Variants in ATG5 observed in about 807,000 individuals in gnomAD.
The protein encoded by ATG5 is autophagy related 5.
Under a neutral mutation model 36.5 loss-of-function variants are expected in ATG5, and 14 were observed. The observed-to-expected ratio is 0.38, with a 90% CI of 0.25 to 0.60. The LOEUF (loss-of-function observed/expected upper bound fraction) is 0.60. Ranked by LOEUF, ATG5 falls within the 20% of genes least tolerant of loss-of-function variation. The pLI is 0.60. For synonymous variants in ATG5, 95 were observed against 101.5 expected, an observed-to-expected ratio of 0.94 and a Z score of 0.38; for missense variants, 195 against 326.7, an observed-to-expected ratio of 0.60 and a Z score of 3.11.
chr6:106,308,615 C>T (rs1770536621), intron 2 of ATG5, 124 bp from the exon 3 acceptor site: 6 of 707,712 alleles, frequency 8.5e-6, no homozygotes, highest in Non-Finnish European at 8.6e-6. Flanking sequence ...ATATCCCACA[C>T]AAAGTCTACT....
chr6:106,197,830 T>C (rs1265593078), intron 7 of ATG5, among the ~76,000 whole-genome samples: 1 of 152,150 alleles, frequency 6.6e-6, no homozygotes, highest in African/African-American at 2.4e-5. Flanking sequence ...TGTTTCTTTA[T>C]AGCAACACAA....
intron 6 of ATG5, among the ~76,000 whole-genome samples, chr6:106,224,934 A>G (rs915283823): frequency 6.6e-6 from 1 of 152,230 alleles, no homozygotes; most frequent in Non-Finnish European, 1.5e-5. Flanking sequence ...TCAATTAAAA[A>G]AGTGAGCTAT....
At chr6:106,268,452 T>C (rs1018124370) in intron 5 of ATG5, among the ~76,000 whole-genome samples, 9 of 152,324 alleles carry the variant, frequency 5.9e-5, no homozygotes, top group African/African-American at 1.7e-4. Context: ...AGTTCAACCA[T>C]TGTGGAACAG....
intron 6 of ATG5, among the ~76,000 whole-genome samples, chr6:106,242,455 T>C (rs1225122689): frequency 1.3e-5 from 2 of 152,178 alleles, no homozygotes; most frequent in Non-Finnish European, 2.9e-5. Context: ...TTAATGGGTA[T>C]AGAGTTTGTT....
chr6:106,227,646 C>A (rs1220187405), intron 6 of ATG5, among the ~76,000 whole-genome samples: 2 of 152,162 alleles, frequency 1.3e-5, no homozygotes, highest in African/African-American at 4.8e-5. Flanking sequence ...AAGAAATGAT[C>A]AGTACCTTGA....
chr6:106,227,268 C>T (rs951184203), intron 6 of ATG5, among the ~76,000 whole-genome samples: 26 of 152,092 alleles, frequency 1.7e-4, no homozygotes, highest in African/African-American at 5.8e-4. Context: ...TGTCAATAGG[C>T]AATCAGATGA....
chr6:106,291,281 A>G (rs571701623), intron 4 of ATG5, among the ~76,000 whole-genome samples: 87 of 152,326 alleles, frequency 5.7e-4, no homozygotes, highest in Admixed American at 1.6e-3. Context: ...CTACATCCAG[A>G]AAAGTCTTAA....
At chr6:106,296,215 TA>T (rs921563563) in intron 3 of ATG5, among the ~76,000 whole-genome samples, 80 of 145,524 alleles carry the variant, frequency 5.5e-4, no homozygotes, top group African/African-American at 4.5e-4. Context: ...AAACTCACTT[TA>T]AAAAAAAAAA....
chr6:106,246,761 C>A (rs1778357842), intron 6 of ATG5, among the ~76,000 whole-genome samples: 1 of 152,146 alleles, frequency 6.6e-6, no homozygotes, highest in Non-Finnish European at 1.5e-5. Flanking sequence ...ATATTTTCTT[C>A]AACTAAATTA....
chr6:106,230,905 T>C (rs1260744985), intron 6 of ATG5, among the ~76,000 whole-genome samples: 1 of 152,062 alleles, frequency 6.6e-6, no homozygotes, highest in African/African-American at 2.4e-5. Context: ...ACGTACAAAC[T>C]TTCTTTTCAT....
At chr6:106,186,991 T>C (rs1775798141) in intron 7 of ATG5, among the ~76,000 whole-genome samples, 1 of 152,326 alleles carries the variant, frequency 6.6e-6, no homozygotes, top group Admixed American at 6.5e-5. Flanking sequence ...ATTGTACCAA[T>C]GACCAAAATT....
intron 6 of ATG5, among the ~76,000 whole-genome samples, chr6:106,203,724 G>T (rs1376569729): frequency 2.0e-5 from 3 of 152,300 alleles, no homozygotes; most frequent in Admixed American, 2.0e-4. Context: ...GGGACTACAG[G>T]TGTGAGCCAC....
chr6:106,324,401 G>C (rs567502295), intron 1 of ATG5, among the ~76,000 whole-genome samples: 1 of 152,228 alleles, frequency 6.6e-6, no homozygotes, highest in East Asian at 1.9e-4. Context: ...TGAGGACTTT[G>C]GTATCCAAGG....
chr6:106,248,049 C>T (rs1282487298), intron 6 of ATG5, 101 bp downstream of exon 6: 9 of 850,010 alleles, frequency 1.1e-5, no homozygotes, highest in African/African-American at 6.9e-5. Flanking sequence ...TAATAAATAC[C>T]GTTTAGTTAC....
intron 6 of ATG5, among the ~76,000 whole-genome samples, chr6:106,210,520 C>A (rs1265783289): frequency 6.6e-6 from 1 of 152,178 alleles, no homozygotes; most frequent in African/African-American, 2.4e-5. Flanking sequence ...TTCCTAGTCA[C>A]AAACATCTAT....
chr6:106,305,849 T>C (rs976533134), intron 3 of ATG5, among the ~76,000 whole-genome samples: 2 of 152,130 alleles, frequency 1.3e-5, no homozygotes, highest in Non-Finnish European at 2.9e-5. Flanking sequence ...TTTTTTAACA[T>C]GAGAGAAAAC....
intron 4 of ATG5, among the ~76,000 whole-genome samples, chr6:106,289,155 A>G (rs1387573924): frequency 6.6e-6 from 1 of 152,176 alleles, no homozygotes; most frequent in African/African-American, 2.4e-5. Context: ...AATACATCCA[A>G]TCTGTTGAAT....
chr6:106,303,372 T>C (rs573375122), intron 3 of ATG5, among the ~76,000 whole-genome samples: 15 of 152,072 alleles, frequency 9.9e-5, no homozygotes, highest in Admixed American at 5.2e-4. Flanking sequence ...GAAGAGGAAA[T>C]AGGCAAGCTG....
At chr6:106,239,153 A>T (rs542530807) in intron 6 of ATG5, among the ~76,000 whole-genome samples, 1 of 152,030 alleles carries the variant, frequency 6.6e-6, no homozygotes, top group South Asian at 2.1e-4. Context: ...ATAGCAATGC[A>T]ATAAAGCAAG....
Sources: allele counts gnomAD v4.1 joint callset (sites outside exome capture counted in the v4.1 genomes callset), GRCh38; gene constraint gnomAD v4.1.1; transcripts MANE v1.5; gene names NCBI Gene and HGNC (gene_info 2026-07-23, HGNC 2026-07-21).